The following IMMP2L variants were observed in gnomAD, a reference collection of about 807,000 sequenced individuals.
IMMP2L encodes the protein inner mitochondrial membrane peptidase subunit 2, also known as mitochondrial inner membrane protease subunit 2.
IMMP2L carries 18 observed loss-of-function variants against 19.3 expected under a neutral mutation model. The observed-to-expected ratio is 0.93, with a 90% CI of 0.64 to 1.38. The LOEUF (loss-of-function observed/expected upper bound fraction) is 1.38, where lower values mean the gene tolerates loss of function less well. Ranked by LOEUF, IMMP2L falls within the 40% of genes most tolerant of loss-of-function variation. The pLI is 0.00. For missense variants in IMMP2L, 233 were observed against 218.2 expected, an observed-to-expected ratio of 1.07 and a Z score of -0.43; for synonymous variants, 76 against 73.0, an observed-to-expected ratio of 1.04 and a Z score of -0.21.
rs1001198660 is a variant in IMMP2L at position 110,760,550 on chromosome 7, A to C, written c.409-96829T>G. Among the ~76,000 whole-genome samples, 1 of 152,102 alleles carries C rather than the reference A, an allele frequency of 6.6e-6. No homozygotes were observed. The highest frequency in any genetic ancestry group is 1.5e-5 in the Non-Finnish European group (1 of 68,018). ...ATATAAAAGAGTTTTTGTTGTCCCC[A>C]ACTCCCAGGAGGGCAACTGCTGGGA... On this transcript the variant is annotated intron_variant, in intron 5 of 5. Coordinates refer to ENST00000405709, the MANE Select transcript of IMMP2L (RefSeq NM_032549.4). This position sits in a 1 kb window ranked among gnomAD's most constrained non-coding sequence, Gnocchi z 4.2.
chr7:111,421,805 T>C (rs562181660), intron 3 of IMMP2L, among the ~76,000 whole-genome samples: 16 of 151,952 alleles, frequency 1.1e-4, no homozygotes, highest in Non-Finnish European at 1.9e-4. Flanking sequence ...CATGCCTATG[T>C]CCTGAATGGT....
chr7:111,101,838 C>T (rs536480407), intron 3 of IMMP2L, among the ~76,000 whole-genome samples: 248 of 151,400 alleles, frequency 1.6e-3, no homozygotes, highest in African/African-American at 4.9e-3. Context: ...CTACTGCCCC[C>T]AATCTAAAAA....
chr7:111,256,695 T>A (rs550413471), intron 3 of IMMP2L, among the ~76,000 whole-genome samples: 1 of 152,216 alleles, frequency 6.6e-6, no homozygotes, highest in South Asian at 2.1e-4. Flanking sequence ...TACCACAGGA[T>A]AATCATAAGA....
At chr7:111,257,127 G>C (rs1363155717) in intron 3 of IMMP2L, among the ~76,000 whole-genome samples, 1 of 151,962 alleles carries the variant, frequency 6.6e-6, no homozygotes, top group Non-Finnish European at 1.5e-5. Context: ...GATTCTAAAA[G>C]AGAAAAATCC....
At chr7:111,193,932 T>C (rs143792388) in intron 3 of IMMP2L, among the ~76,000 whole-genome samples, 2 of 152,312 alleles carry the variant, frequency 1.3e-5, no homozygotes, top group Non-Finnish European at 2.9e-5. Flanking sequence ...CTATATCACA[T>C]ATGCATTTGT....
intron 3 of IMMP2L, among the ~76,000 whole-genome samples, chr7:111,450,956 A>G (rs925700850): frequency 4.0e-5 from 6 of 151,700 alleles, no homozygotes; most frequent in Non-Finnish European, 8.8e-5. Flanking sequence ...AACACATGAA[A>G]AAATGCTCAT....
chr7:111,426,418 G>C (rs932210123), intron 3 of IMMP2L, among the ~76,000 whole-genome samples: 3 of 150,482 alleles, frequency 2.0e-5, no homozygotes, highest in Non-Finnish European at 4.4e-5. Context: ...GAGGTTTTTT[G>C]CAATAACATG....
At chr7:110,847,391 C>T (rs1436972052) in intron 5 of IMMP2L, among the ~76,000 whole-genome samples, 2 of 152,072 alleles carry the variant, frequency 1.3e-5, no homozygotes, top group African/African-American at 2.4e-5. Flanking sequence ...TTTCTTTTAG[C>T]CTGATTATAA....
chr7:111,103,251 T>C, intron 3 of IMMP2L, among the ~76,000 whole-genome samples: 1 of 151,670 alleles, frequency 6.6e-6, no homozygotes, highest in Non-Finnish European at 1.5e-5. Context: ...TTAATAATTG[T>C]ACTTCTTTAT....
intron 3 of IMMP2L, among the ~76,000 whole-genome samples, chr7:111,018,180 T>C (rs1825899575): frequency 6.6e-6 from 1 of 152,182 alleles, no homozygotes; most frequent in African/African-American, 2.4e-5. Context: ...CCTATACATA[T>C]ATTGTTCTGA....
intron 5 of IMMP2L, among the ~76,000 whole-genome samples, chr7:110,735,681 T>TACAC (rs3051068): frequency 0.072 from 8,206 of 114,666 alleles, 364 homozygotes; most frequent in African/African-American, 0.11. Flanking sequence ...AGTAGACAAA[T>TACAC]ACACACACAC....
chr7:110,953,676 A>G (rs559650039), intron 4 of IMMP2L, among the ~76,000 whole-genome samples: 1 of 152,252 alleles, frequency 6.6e-6, no homozygotes, highest in African/African-American at 2.4e-5. Context: ...TCCTTTGGGT[A>G]TATACCCAGG....
At chr7:111,484,986 C>G (rs1186963494) in intron 3 of IMMP2L, among the ~76,000 whole-genome samples, 1 of 152,014 alleles carries the variant, frequency 6.6e-6, no homozygotes, top group African/African-American at 2.4e-5. Flanking sequence ...CAGGGTTTCA[C>G]CGTGTTGCCC....
At chr7:111,236,249 C>G (rs912857856) in intron 3 of IMMP2L, among the ~76,000 whole-genome samples, 1 of 151,900 alleles carries the variant, frequency 6.6e-6, no homozygotes, top group Admixed American at 6.6e-5. Flanking sequence ...ATGATTTTCA[C>G]CTTTTGGGGT....
chr7:111,101,934 A>G (rs1490856328), intron 3 of IMMP2L, among the ~76,000 whole-genome samples: 1 of 151,500 alleles, frequency 6.6e-6, no homozygotes, highest in African/African-American at 2.4e-5. Context: ...ACATCTACCA[A>G]AAATGGACAA....
chr7:111,242,406 C>T (rs1241732314), intron 3 of IMMP2L, among the ~76,000 whole-genome samples: 1 of 152,094 alleles, frequency 6.6e-6, no homozygotes, highest in African/African-American at 2.4e-5. Context: ...ATAAATGAAT[C>T]TGCCTTTCAT....
At chr7:110,986,327 G>A (rs977052287) in intron 3 of IMMP2L, among the ~76,000 whole-genome samples, 6 of 152,148 alleles carry the variant, frequency 3.9e-5, no homozygotes, top group African/African-American at 7.2e-5. Flanking sequence ...CACCTAGGGT[G>A]TTGTTCTCAG....
At chr7:111,401,722 C>A (rs1413469182) in intron 3 of IMMP2L, among the ~76,000 whole-genome samples, 1 of 152,002 alleles carries the variant, frequency 6.6e-6, no homozygotes, top group African/African-American at 2.4e-5. Context: ...CTGAGCAATT[C>A]AACTGGTAAA....
chr7:110,913,685 T>C (rs746929176), intron 4 of IMMP2L, among the ~76,000 whole-genome samples: 1 of 152,158 alleles, frequency 6.6e-6, no homozygotes, highest in Non-Finnish European at 1.5e-5. Context: ...ATACCAGCCA[T>C]TACTTGGTCT....
Sources: gnomAD v4.1 joint callset for allele counts (sites outside exome capture counted in the v4.1 genomes callset) on GRCh38, gnomAD v4.1.1 for gene constraint, Gnocchi (gnomAD v3.1) non-coding constraint, MANE v1.5 for transcripts, NCBI Gene and HGNC (gene_info 2026-07-23, HGNC 2026-07-21) for gene names.